Variants in RBFOX1 observed in about 807,000 individuals in gnomAD.
RBFOX1 encodes RNA binding protein fox-1 homolog 1.
RBFOX1 carries 8 observed loss-of-function variants against 57.7 expected under a neutral mutation model. That is an observed-to-expected ratio of 0.14 (90% CI 0.08 to 0.25). The LOEUF is 0.25. Ranked by LOEUF, RBFOX1 falls within the 10% of genes least tolerant of loss-of-function variation. The pLI, the probability that RBFOX1 is intolerant of heterozygous loss-of-function variation, is 1.00. For synonymous variants in RBFOX1, 326 were observed against 222.4 expected, an observed-to-expected ratio of 1.47 and a Z score of -4.15; for missense variants, 611 against 548.5, an observed-to-expected ratio of 1.11 and a Z score of -1.14.
chr16:7,701,753 G>T (rs898920762), intron 14 of RBFOX1, among the ~76,000 whole-genome samples: 2 of 152,196 alleles, frequency 1.3e-5, no homozygotes, highest in African/African-American at 2.4e-5. Context: ...CCACAGAGGA[G>T]TATTTCCCTA....
At chr16:5,586,828 G>C (rs1298107635) in intron 2 of RBFOX1, among the ~76,000 whole-genome samples, 3 of 152,216 alleles carry the variant, frequency 2.0e-5, no homozygotes. Context: ...GATAAGGAGA[G>C]TGAGGAGCTG....
intron 4 of RBFOX1, among the ~76,000 whole-genome samples, chr16:7,481,960 T>C (rs944725772): frequency 6.6e-6 from 1 of 152,234 alleles, no homozygotes; most frequent in Non-Finnish European, 1.5e-5. Flanking sequence ...ATGGTTATTA[T>C]GAGAACGCGA....
intron 6 of RBFOX1, among the ~76,000 whole-genome samples, chr16:7,585,959 A>G (rs1458585684): frequency 6.6e-6 from 1 of 152,044 alleles, no homozygotes; most frequent in Non-Finnish European, 1.5e-5. Context: ...ACACAGAAGC[A>G]CGCGTAATGC....
chr16:7,438,535 G>A (rs540803381), intron 4 of RBFOX1, among the ~76,000 whole-genome samples: 11 of 152,154 alleles, frequency 7.2e-5, no homozygotes, highest in Non-Finnish European at 1.3e-4. Context: ...TTAGAAGGGC[G>A]TAATTCGTCC....
chr16:7,113,975 T>G (rs1055532815), intron 4 of RBFOX1, among the ~76,000 whole-genome samples: 6 of 152,214 alleles, frequency 3.9e-5, no homozygotes, highest in South Asian at 2.1e-4. Context: ...TTGTGCCTTT[T>G]GCATCGTGAG....
intron 2 of RBFOX1, among the ~76,000 whole-genome samples, chr16:6,529,882 G>A (rs930188943): frequency 6.6e-6 from 1 of 152,082 alleles, no homozygotes; most frequent in Non-Finnish European, 1.5e-5. Flanking sequence ...ATATAAACAT[G>A]AGGTGACTTT....
exon 2 of RBFOX1, chr16:5,467,228 C>A: frequency 1.3e-6 from 2 of 1,499,244 alleles, no homozygotes; most frequent in Non-Finnish European, 1.8e-6. Flanking sequence ...TCTACTGTGC[C>A]TGCCATACAG....
rs982927379 is a variant in RBFOX1, at chr16:6,183,475, A to C, written c.-126-133520A>C. 3.0e-5 allele frequency among the ~76,000 whole-genome samples: 4 copies of C among 133,852 alleles called. No individual in the cohort carries two copies. In the East Asian group the frequency reaches 8.7e-4, roughly 29 times the overall value. 87.8% of individuals were successfully genotyped at this position (133,852 alleles called of 152,430 possible). On this transcript the variant is annotated intron_variant, in intron 1 of 15. Coordinates refer to ENST00000550418, the MANE Select transcript of RBFOX1 (RefSeq NM_018723.4). ...AGTCTGGGTGACAGAGCAAGGCTCC[A>C]TCTAAAAAAATTAAATAAATAAATA...
At chr16:5,349,128 G>A (rs1448215279) in intron 1 of RBFOX1, among the ~76,000 whole-genome samples, 6 of 152,088 alleles carry the variant, frequency 3.9e-5, no homozygotes, top group South Asian at 2.1e-4. Context: ...AAGAAATCCC[G>A]ACATATGCAA....
At chr16:5,916,189 A>G (rs1486697470) in intron 4 of RBFOX1, among the ~76,000 whole-genome samples, 1 of 133,306 alleles carries the variant, frequency 7.5e-6, no homozygotes, top group Non-Finnish European at 1.7e-5. Flanking sequence ...TCTCCCTGAC[A>G]CTCTAGCAAA....
At chr16:5,742,433 G>A (rs1388560195) in intron 3 of RBFOX1, among the ~76,000 whole-genome samples, 1 of 151,644 alleles carries the variant, frequency 6.6e-6, no homozygotes, top group Non-Finnish European at 1.5e-5. Flanking sequence ...TGCTTTTATA[G>A]CGGATTTAAA....
Position 6,973,343 on chromosome 16 carries a change from G to T in RBFOX1, c.-15-78714G>T, listed in dbSNP as rs186706279. Among the ~76,000 whole-genome samples the T allele has an allele frequency of 5.9e-5, 9 of 152,284 alleles. No individual in the cohort carries two copies. In the East Asian group the frequency reaches 1.5e-3, roughly 26 times the overall value. ...TCAGCTTTGTTGTCAGACAAAAGCA[G>T]CACTTATTACAATGGTTGGCATTTC... On this transcript the variant is annotated intron_variant, in intron 3 of 15. Transcript: ENST00000550418.
chr16:6,106,475 A>T (rs1422143916), intron 1 of RBFOX1, among the ~76,000 whole-genome samples: 3 of 151,068 alleles, frequency 2.0e-5, no homozygotes, highest in Non-Finnish European at 3.0e-5. Flanking sequence ...TCAAAAATAA[A>T]AAAAAAAAAA....
At chr16:7,423,459 T>C (rs1242454771) in intron 4 of RBFOX1, among the ~76,000 whole-genome samples, 1 of 151,734 alleles carries the variant, frequency 6.6e-6, no homozygotes, top group Non-Finnish European at 1.5e-5. Flanking sequence ...AGCAGAATGG[T>C]AGAATGGAGG....
chr16:7,172,902 C>G (rs978600169), intron 4 of RBFOX1, among the ~76,000 whole-genome samples: 1 of 152,148 alleles, frequency 6.6e-6, no homozygotes, highest in Non-Finnish European at 1.5e-5. Context: ...ATGAGATTCC[C>G]AAGGAAGAGA....
intron 3 of RBFOX1, among the ~76,000 whole-genome samples, chr16:6,785,333 G>T (rs2081762448): frequency 1.3e-5 from 2 of 152,158 alleles, no homozygotes; most frequent in South Asian, 4.2e-4. Flanking sequence ...CATCTCTGTG[G>T]TTCAGCAAAT....
chr16:6,732,807 G>A (rs548461790), intron 3 of RBFOX1, among the ~76,000 whole-genome samples: 37 of 152,252 alleles, frequency 2.4e-4, no homozygotes, highest in Non-Finnish European at 4.4e-4. Context: ...TAATGAGGTG[G>A]AGTTTTTTTG....
intron 4 of RBFOX1, among the ~76,000 whole-genome samples, chr16:7,091,408 T>C (rs1280394183): frequency 6.6e-6 from 1 of 151,890 alleles, no homozygotes; most frequent in East Asian, 1.9e-4. Flanking sequence ...CATACCTGGG[T>C]TTAAAATGGG....
intron 1 of RBFOX1, among the ~76,000 whole-genome samples, chr16:5,317,154 C>G (rs1455313094): frequency 6.6e-6 from 1 of 152,130 alleles, no homozygotes; most frequent in Non-Finnish European, 1.5e-5. Flanking sequence ...TCTTCTCAGC[C>G]TTTATAAATG....
Sources: allele counts gnomAD v4.1 joint callset (sites outside exome capture counted in the v4.1 genomes callset), GRCh38; gene constraint gnomAD v4.1.1; transcripts MANE v1.5; gene names NCBI Gene and HGNC (gene_info 2026-07-23, HGNC 2026-07-21).